Variants in MACROD2 observed in about 807,000 individuals in gnomAD.
MACROD2 encodes the protein mono-ADP ribosylhydrolase 2.
Under a neutral mutation model 70.4 loss-of-function variants are expected in MACROD2, and 36 were observed. That is an observed-to-expected ratio of 0.51 (90% CI 0.39 to 0.68). The LOEUF (loss-of-function observed/expected upper bound fraction) is 0.68, where lower values mean the gene tolerates loss of function less well. Ranked by LOEUF, MACROD2 falls within the 30% of genes least tolerant of loss-of-function variation. The pLI is 0.00. For missense variants in MACROD2, 496 were observed against 538.4 expected (o/e 0.92, Z 0.78); for synonymous variants, 172 against 178.8 (o/e 0.96, Z 0.30).
intron 5 of MACROD2, among the ~76,000 whole-genome samples, chr20:15,217,810 G>A (rs897606367): frequency 1.3e-5 from 2 of 151,944 alleles, no homozygotes; most frequent in African/African-American, 4.8e-5. Context: ...ATCAAAGCCT[G>A]CATGCAAACA....
chr20:14,521,068 A>G (rs897608208), intron 4 of MACROD2, among the ~76,000 whole-genome samples: 13 of 152,244 alleles, frequency 8.5e-5, no homozygotes, highest in African/African-American at 2.2e-4. Flanking sequence ...ACTCCAAAGC[A>G]CAGACTTAAT....
intron 5 of MACROD2, among the ~76,000 whole-genome samples, chr20:15,026,420 C>T (rs2075232263): frequency 6.6e-6 from 1 of 151,842 alleles, no homozygotes; most frequent in Non-Finnish European, 1.5e-5. Context: ...ACACTATCAT[C>T]TTGTTACTAG....
chr20:14,606,392 CATGCCTATAACA>C (rs908546715), intron 4 of MACROD2, among the ~76,000 whole-genome samples: 1 of 152,078 alleles, frequency 6.6e-6, no homozygotes, highest in African/African-American at 2.4e-5. Flanking sequence ...ATATATGCAG[CATGCCTATAACA>C]ATTCCAGGTA....
At chr20:15,266,055 A>G (rs6131655) in intron 6 of MACROD2, among the ~76,000 whole-genome samples, 48,912 of 152,140 alleles carry the variant, frequency 0.32, 8,826 homozygotes, top group East Asian at 0.4. Context: ...AATACTTCAA[A>G]ACCCCAATCT....
intron 4 of MACROD2, among the ~76,000 whole-genome samples, chr20:14,592,029 G>A (rs1220644927): frequency 6.6e-6 from 1 of 152,186 alleles, no homozygotes; most frequent in East Asian, 1.9e-4. Context: ...GCTGGATAGA[G>A]AGGACTGCAG....
chr20:15,872,746 T>C (rs2064603888), intron 9 of MACROD2, among the ~76,000 whole-genome samples: 2 of 152,196 alleles, frequency 1.3e-5, no homozygotes, highest in Non-Finnish European at 2.9e-5. Context: ...GTAAGATAGG[T>C]TTATAGTGAA....
intron 3 of MACROD2, among the ~76,000 whole-genome samples, chr20:14,192,192 G>T (rs1403850237): frequency 6.6e-6 from 1 of 151,848 alleles, no homozygotes; most frequent in Non-Finnish European, 1.5e-5. Flanking sequence ...CTATTATGAC[G>T]CATACCATTT....
intron 8 of MACROD2, among the ~76,000 whole-genome samples, chr20:15,650,729 T>C (rs1250428305): frequency 6.6e-6 from 1 of 152,028 alleles, no homozygotes; most frequent in Non-Finnish European, 1.5e-5. Flanking sequence ...ATAGCACAAT[T>C]TTTTTTTGTT....
intron 8 of MACROD2, among the ~76,000 whole-genome samples, chr20:15,550,233 TTTATTA>T (rs1248932982): frequency 7.3e-6 from 1 of 136,526 alleles, no homozygotes. Context: ...TACCCACTGT[TTTATTA>T]TTTAAAATAA....
intron 6 of MACROD2, among the ~76,000 whole-genome samples, chr20:15,336,076 A>G (rs2078045000): frequency 6.6e-6 from 1 of 151,602 alleles, no homozygotes; most frequent in Admixed American, 6.6e-5. Flanking sequence ...ATCTCAGACA[A>G]TCCCAGGCCA....
intron 10 of MACROD2, among the ~76,000 whole-genome samples, chr20:15,921,862 G>C (rs1367138310): frequency 6.6e-6 from 1 of 152,226 alleles, no homozygotes; most frequent in Non-Finnish European, 1.5e-5. Context: ...TGAACAAGTA[G>C]ATTGTCCTGT....
At position 15,191,931 on chromosome 20, in the gene MACROD2, T is replaced by TATAGAG. The variant is rs150210305; in HGVS notation, c.419-38008_419-38007insTAGAGA. ...ACACATATGTGTATATATATATATA[T>TATAGAG]AGAGAGAGAGAGAGTTAATACATAT... On this transcript the variant is annotated intron_variant, in intron 5 of 17. Transcript: ENST00000684519. 1.7e-3 allele frequency among the ~76,000 whole-genome samples: 238 copies of TATAGAG among 142,366 alleles called. 7 individuals carry two copies. Among genetic ancestry groups the TATAGAG allele is most frequent in the African/African-American group, 4.8e-3 (185 of 38,238 alleles). The allele number at this position is 142,366 out of a possible 152,430, so 93.4% of individuals were successfully genotyped here.
At chr20:14,179,118 T>TGA (rs1274289528) in intron 3 of MACROD2, among the ~76,000 whole-genome samples, 2 of 152,194 alleles carry the variant, frequency 1.3e-5, no homozygotes, top group African/African-American at 4.8e-5. Flanking sequence ...TAGAGATCAT[T>TGA]GACTGATATC....
At chr20:15,519,118 C>T (rs867772027) in intron 8 of MACROD2, among the ~76,000 whole-genome samples, 2 of 91,014 alleles carry the variant, frequency 2.2e-5, no homozygotes, top group African/African-American at 9.4e-5. Context: ...TTCCTTCCTT[C>T]CTTTCTTTCT....
chr20:14,848,343 T>C (rs955426165), intron 5 of MACROD2, among the ~76,000 whole-genome samples: 2 of 152,208 alleles, frequency 1.3e-5, no homozygotes, highest in Non-Finnish European at 2.9e-5. Flanking sequence ...TCCCTAGTTA[T>C]CCTGTAGGAA....
chr20:14,785,479 G>A (rs964403835), intron 5 of MACROD2, among the ~76,000 whole-genome samples: 1 of 151,626 alleles, frequency 6.6e-6, no homozygotes. Flanking sequence ...AGGGGAGAGG[G>A]CCAGTCCCCC....
chr20:15,062,187 C>T (rs6034096), intron 5 of MACROD2, among the ~76,000 whole-genome samples: 1 of 152,080 alleles, frequency 6.6e-6, no homozygotes, highest in South Asian at 2.1e-4. Context: ...CTCTTAGATC[C>T]TGAAAATAGG....
intron 5 of MACROD2, among the ~76,000 whole-genome samples, chr20:14,967,142 G>T (rs1340914907): frequency 6.6e-6 from 1 of 152,166 alleles, no homozygotes; most frequent in Admixed American, 6.5e-5. Flanking sequence ...AATGCTTCAA[G>T]TCTTTGCTGA....
intron 3 of MACROD2, among the ~76,000 whole-genome samples, chr20:14,485,701 C>CAAAAAAA (rs1276490399): frequency 3.2e-5 from 2 of 61,854 alleles, no homozygotes; most frequent in Middle Eastern, 0.014. Flanking sequence ...GACTCCGTCT[C>CAAAAAAA]AAAAAAAAAA....
Sources: gnomAD v4.1 joint callset for allele counts (sites outside exome capture counted in the v4.1 genomes callset) on GRCh38, gnomAD v4.1.1 for gene constraint, MANE v1.5 for transcripts, NCBI Gene and HGNC (gene_info 2026-07-23, HGNC 2026-07-21) for gene names.